The following BTNL9 variants were observed in gnomAD, a reference collection of about 807,000 sequenced individuals.
BTNL9 encodes the protein butyrophilin-like protein 9.
A neutral mutation model predicts 45.8 loss-of-function variants in BTNL9; 45 were observed. The ratio of observed to expected loss-of-function variants is 0.98; its 90% CI spans 0.77 to 1.26. The LOEUF is 1.26. BTNL9 is among the 50% of genes most tolerant of loss of function. The probability of loss-of-function intolerance (pLI) is 0.00; values close to 1 mark genes in which losing one functional copy is unlikely to be tolerated. For missense variants in BTNL9, 784 were observed against 729.7 expected (o/e 1.07, Z -0.86); for synonymous variants, 346 against 330.8 (o/e 1.05, Z -0.50).
rs951542471 is a variant in BTNL9 at position 181,059,332 on chromosome 5, G to T, written c.1078G>T (p.Ala360Ser). The change falls in exon 11 of 11, where the codon GCG (alanine) becomes TCG (serine). Residue 360 changes from alanine (A) to serine (S), a missense_variant. Physicochemically the swap from Ala to Ser is moderately conservative, Grantham distance 99. Transcript: ENST00000327705. ...TTCCCGCGGGGCGCCGCCAGGCCCG[G>T]CGCCTGGCCACCCGCAGCGGTTCTC... ...VSSRGAPPGP[A>S]PGHPQRFSEQ... 2 of 1,549,448 alleles carry T rather than the reference G, an allele frequency of 1.3e-6. No individual in the cohort carries two copies. The highest frequency in any genetic ancestry group is 1.7e-6 in the Non-Finnish European group (2 of 1,151,356).
intron 6 of BTNL9, 136 bp from the exon 7 acceptor site, chr5:181,054,103 G>A (rs1334168268): frequency 2.3e-5 from 36 of 1,554,128 alleles, no homozygotes; most frequent in Non-Finnish European, 3.0e-5. Flanking sequence ...CCCAGCCTGG[G>A]CCCGCAGACC....
At position 181,050,232 on chromosome 5, in the gene BTNL9, C is replaced by A; in HGVS notation, c.599C>A (p.Ala200Asp). The A allele has an allele frequency of 6.2e-7, 1 of 1,614,126 alleles. No individual in the cohort carries two copies. Among genetic ancestry groups the A allele is most frequent in the Non-Finnish European group, 8.5e-7 (1 of 1,180,032 alleles). Reference protein sequence around the residue: ...QGQCLPPEFEAIVWDAQDLFS... With the variant: ...QGQCLPPEFEDIVWDAQDLFS... ...CAGTGCCTGCCTCCAGAGTTTGAAG[C>A]CATCGTCTGGGATGCCCAGGACCTG... The change falls in exon 4 of 11, where the codon GCC (alanine) becomes GAC (aspartate). Residue 200 changes from alanine to aspartate, a missense_variant. By Grantham distance (126) the Ala-to-Asp change is moderately radical. Transcript: ENST00000327705. This position sits in a 1 kb window ranked among gnomAD's most constrained non-coding sequence, Gnocchi z 4.9.
chr5:181,054,890 C>T, intron 7 of BTNL9: 1 of 985,476 alleles, frequency 1.0e-6, no homozygotes, highest in Non-Finnish European at 1.2e-6. Context: ...AACACTATAG[C>T]ATGAATGCCT....
In BTNL9 at chr5:181,050,523, AG is replaced by A. The variant is rs531292122; in HGVS notation, c.736+156del. Among the ~76,000 whole-genome samples, 2 of 152,360 alleles carry A rather than the reference AG, an allele frequency of 1.3e-5. No individual in the cohort carries two copies. The highest frequency in any genetic ancestry group is 3.9e-4 in the East Asian group (2 of 5,192). On this transcript the variant is annotated intron_variant, in intron 4 of 10. Transcript: ENST00000327705. This position sits in a 1 kb window ranked among gnomAD's most constrained non-coding sequence, Gnocchi z 4.9. ...CTGAAAAGTCAGCACCTTGGATATTAGGAACACACTAAGAACGCTACTGAGA... is the reference window on the plus strand; with the variant it reads ...CTGAAAAGTCAGCACCTTGGATATTAGAACACACTAAGAACGCTACTGAGA...
intron 2 of BTNL9, 79 bp downstream of exon 2, chr5:181,045,677 G>A (rs570456263): frequency 8.6e-7 from 1 of 1,163,744 alleles, no homozygotes; most frequent in Non-Finnish European, 1.3e-6. Flanking sequence ...TACGATCTTA[G>A]CACAGTACCA....
Position 181,055,097 on chromosome 5 carries a change from T to C in BTNL9, c.908-336T>C. The C allele has an allele frequency of 1.8e-6, 2 of 1,126,836 alleles. No homozygotes were observed. The highest frequency in any genetic ancestry group is 4.9e-5 in the East Asian group (1 of 20,378). The allele number at this position is 1,126,836 out of a possible 1,614,324, so 69.8% of individuals were successfully genotyped here. A position where few individuals can be genotyped will look rare whatever the true frequency, so the allele number is the denominator to read the frequency against. ...CGTAGGCGGCCCTCAGTGCCTGCAC[T>C]TAGGCGGGAGCTCCGCCCCAGGAAG... On this transcript the variant is annotated intron_variant, in intron 7 of 10. Coordinates refer to ENST00000327705, the MANE Select transcript of BTNL9 (RefSeq NM_152547.5). This position sits in a 1 kb window ranked among gnomAD's most constrained non-coding sequence, Gnocchi z 4.4.
intron 1 of BTNL9, among the ~76,000 whole-genome samples, chr5:181,044,320 T>C (rs896309590): frequency 6.6e-6 from 1 of 152,074 alleles, no homozygotes; most frequent in Non-Finnish European, 1.5e-5. Flanking sequence ...CGGAAACACC[T>C]GCCATGCCAA....
At position 181,055,921 on chromosome 5, in the gene BTNL9, G is replaced by T; in HGVS notation, c.929-68G>T. The T allele has an allele frequency of 1.3e-6, 2 of 1,588,730 alleles. No homozygotes were observed. Among genetic ancestry groups the T allele is most frequent in the Non-Finnish European group, 1.7e-6 (2 of 1,156,884 alleles). The stretch of plus-strand genomic sequence containing the variant: ...GTGCGGGACAGGGTGGGTGCAAGAT[G>T]TGATGTGTGAGCAGGGAAGCTTGGG... On this transcript the variant is annotated intron_variant, in intron 8 of 10. Transcript: ENST00000327705. This position sits in a 1 kb window ranked among gnomAD's most constrained non-coding sequence, Gnocchi z 4.4.
At chr5:181,048,825 ATAT>A (rs1394461306) in intron 3 of BTNL9, among the ~76,000 whole-genome samples, 1 of 138,422 alleles carries the variant, frequency 7.2e-6, no homozygotes, top group East Asian at 2.0e-4. Context: ...TAGTTATATA[ATAT>A]TATATAATTA....
At chr5:181,054,333 C>T in intron 7 of BTNL9, 74 bp downstream of exon 7, 1 of 1,589,302 alleles carries the variant, frequency 6.3e-7, no homozygotes, top group Non-Finnish European at 8.5e-7. Context: ...AGGAGGGGCT[C>T]CCTTTGGACA....
At chr5:181,044,700 A>T (rs1760993840) in intron 1 of BTNL9, among the ~76,000 whole-genome samples, 1 of 152,220 alleles carries the variant, frequency 6.6e-6, no homozygotes. Flanking sequence ...GCCGTGAGTC[A>T]TTAGTGGGTC....
rs138779385 is a variant in BTNL9 at position 181,059,655 on chromosome 5, C to A, written c.1401C>A (p.Asp467Glu). 69 of 1,613,676 alleles carry A rather than the reference C, an allele frequency of 4.3e-5. No homozygotes were observed. The African/African-American group carries it at 8.9e-4, about 21-fold the overall frequency. The change falls in exon 11 of 11, where the codon GAC becomes GAA. Residue 467 changes from aspartate to glutamate, a missense_variant. Physicochemically the swap from Asp to Glu is conservative, Grantham distance 45. Coordinates refer to ENST00000327705, the MANE Select transcript of BTNL9 (RefSeq NM_152547.5). ...AGCTGTCCTTCTTCAACGTGTCCGACGGCTCCCACATCTTCACCTTCCACG... is the reference window on the plus strand; with the variant it reads ...AGCTGTCCTTCTTCAACGTGTCCGAAGGCTCCCACATCTTCACCTTCCACG... ...AGELSFFNVS[D>E]GSHIFTFHDT...
In BTNL9 at chr5:181,050,687, G is replaced by A. The variant is rs1332457497; in HGVS notation, c.736+318G>A. ...CGTAATGCTGTCTCTCAAACAGTAT[G>A]TATTGAGTTTCCACAACGTGACCCC... On this transcript the variant is annotated intron_variant, in intron 4 of 10. Transcript: ENST00000327705. This position sits in a 1 kb window ranked among gnomAD's most constrained non-coding sequence, Gnocchi z 4.9. 6.6e-6 allele frequency among the ~76,000 whole-genome samples: 1 copy of A among 152,202 alleles called. No homozygotes were observed. Among genetic ancestry groups the A allele is most frequent in the Non-Finnish European group, 1.5e-5 (1 of 68,032 alleles).
intron 3 of BTNL9, among the ~76,000 whole-genome samples, chr5:181,049,507 A>G (rs1226198169): frequency 6.6e-6 from 1 of 152,208 alleles, no homozygotes; most frequent in Non-Finnish European, 1.5e-5. Context: ...AAACATTGCA[A>G]AAGGGAACAT....
rs1761662311 is a variant in BTNL9 at position 181,053,122 on chromosome 5, A to C, written c.737-78A>C. On this transcript the variant is annotated intron_variant, in intron 4 of 10. Coordinates refer to ENST00000327705, the MANE Select transcript of BTNL9 (RefSeq NM_152547.5). This position sits in a 1 kb window ranked among gnomAD's most constrained non-coding sequence, Gnocchi z 6.5. Reference sequence around the variant, plus strand: ...AAGGTCCCGCGGGAGGTTTCCCGGCACGCGGCGGGCAGGCCGGTCTCGCCT... The same window carrying C: ...AAGGTCCCGCGGGAGGTTTCCCGGCCCGCGGCGGGCAGGCCGGTCTCGCCT... The C allele has an allele frequency of 1.8e-5, 23 of 1,262,870 alleles. No homozygotes were observed. In the South Asian group the frequency reaches 2.9e-4, roughly 16 times the overall value. 78.2% of individuals were successfully genotyped at this position (1,262,870 alleles called of 1,614,324 possible).
rs1016580612 is a variant in BTNL9, at chr5:181,061,372, G to A, written c.*1510G>A. ...TTGCAAACTAAGAGTTGGGTGGCGGGGAGAAGGATACACCAAAAAACTAAG... is the reference window on the plus strand; with the variant it reads ...TTGCAAACTAAGAGTTGGGTGGCGGAGAGAAGGATACACCAAAAAACTAAG... On this transcript the variant is annotated 3_prime_UTR_variant, in exon 11 of 11. Coordinates refer to ENST00000327705, the MANE Select transcript of BTNL9 (RefSeq NM_152547.5). 6.6e-6 allele frequency: 1 copy of A among 152,144 alleles called. No individual in the cohort carries two copies. Among genetic ancestry groups the A allele is most frequent in the Admixed American group, 6.5e-5 (1 of 15,280 alleles). 9.4% of individuals were successfully genotyped at this position (152,144 alleles called of 1,614,324 possible).
chr5:181,057,783 C>T (rs953153352), intron 9 of BTNL9, among the ~76,000 whole-genome samples: 4 of 152,262 alleles, frequency 2.6e-5, no homozygotes, highest in South Asian at 2.1e-4. Context: ...GACGCAAAAC[C>T]GGGGCAGCAA....
intron 6 of BTNL9, 49 bp from the exon 7 acceptor site, chr5:181,054,190 C>A (rs1357954531): frequency 1.2e-6 from 2 of 1,612,592 alleles, no homozygotes; most frequent in African/African-American, 2.7e-5. Flanking sequence ...ATTCCCCAAC[C>A]TGAGAGTCTT....
Position 181,059,301 on chromosome 5 carries a change from C to T in BTNL9, c.1047C>T (p.Ser349=), listed in dbSNP as rs764142720. 1.1e-5 allele frequency: 18 copies of T among 1,566,106 alleles called. No homozygotes were observed. Among genetic ancestry groups the T allele is most frequent in the African/African-American group, 2.7e-5 (2 of 73,904 alleles). ...TGGAGGTGTCGGAGGATGGCAAGAG[C>T]GTGTCTTCCCGCGGGGCGCCGCCAG... ...PSLEVSEDGK[S]VSSRGAPPGP... is the part of the protein sequence containing the mutation. The change falls in exon 11 of 11, where the codon AGC becomes AGT. Residue 349 remains serine (S), a synonymous_variant. Transcript: ENST00000327705.
Sources: gnomAD v4.1 joint callset for allele counts (sites outside exome capture counted in the v4.1 genomes callset) on GRCh38, gnomAD v4.1.1 for gene constraint, Gnocchi (gnomAD v3.1) non-coding constraint, MANE v1.5 for transcripts, NCBI Gene and HGNC (gene_info 2026-07-23, HGNC 2026-07-21) for gene names.